PPP2R2B: variants seen among roughly 807,000 people sequenced by gnomAD.
PPP2R2B encodes serine/threonine-protein phosphatase 2A 55 kDa regulatory subunit B beta isoform.
In PPP2R2B, 5 loss-of-function variants were observed where a neutral mutation model predicts 46.0. The ratio of observed to expected loss-of-function variants is 0.11; its 90% CI spans 0.06 to 0.23. The LOEUF is 0.23. Among genes scored for constraint, PPP2R2B ranks in the 10% least tolerant of loss-of-function variants. PPP2R2B has a pLI of 1.00. For synonymous variants in PPP2R2B, 215 were observed against 206.7 expected (o/e 1.04, Z -0.34); for missense variants, 367 against 575.0 (o/e 0.64, Z 3.70).
At chr5:146,859,009 T>C (rs1431101134) in intron 2 of PPP2R2B, among the ~76,000 whole-genome samples, 1 of 152,158 alleles carries the variant, frequency 6.6e-6, no homozygotes, top group Non-Finnish European at 1.5e-5. Context: ...AGCAAGCAGA[T>C]GCACTTTTTT....
chr5:147,039,363 A>G (rs1756190907), intron 1 of PPP2R2B, among the ~76,000 whole-genome samples: 1 of 152,208 alleles, frequency 6.6e-6, no homozygotes. Flanking sequence ...ATTGGTCCAG[A>G]GCCTGATCTC....
At chr5:146,596,564 C>G (rs1187056766) in intron 8 of PPP2R2B, among the ~76,000 whole-genome samples, 1 of 152,210 alleles carries the variant, frequency 6.6e-6, no homozygotes, top group East Asian at 1.9e-4. Context: ...ATCTACTCTT[C>G]CTAGTTAAGG....
chr5:146,706,942 C>T, intron 2 of PPP2R2B: 1 of 1,104,174 alleles, frequency 9.1e-7, no homozygotes, highest in East Asian at 2.3e-5. Flanking sequence ...CATACAGCTG[C>T]CTGAGGAAGT....
At chr5:146,888,467 A>G (rs894812373) in intron 1 of PPP2R2B, among the ~76,000 whole-genome samples, 3 of 152,086 alleles carry the variant, frequency 2.0e-5, no homozygotes, top group East Asian at 3.9e-4. Flanking sequence ...TCTCACCATG[A>G]TTATATCAAT....
chr5:146,777,021 T>C (rs1755226001), intron 2 of PPP2R2B, among the ~76,000 whole-genome samples: 1 of 152,072 alleles, frequency 6.6e-6, no homozygotes, highest in Non-Finnish European at 1.5e-5. Context: ...GTGGAAAAAT[T>C]GGAATCCCCA....
intron 2 of PPP2R2B, among the ~76,000 whole-genome samples, chr5:146,764,106 C>T (rs1340701912): frequency 6.6e-6 from 1 of 151,976 alleles, no homozygotes; most frequent in African/African-American, 2.4e-5. Flanking sequence ...AGAGGGGCAA[C>T]CAGCTCAACA....
At chr5:146,851,598 G>T (rs768946676) in intron 2 of PPP2R2B, among the ~76,000 whole-genome samples, 1 of 152,008 alleles carries the variant, frequency 6.6e-6, no homozygotes, top group Admixed American at 6.6e-5. Context: ...AAGGAGTAAA[G>T]AATTTTCTGT....
intron 1 of PPP2R2B, chr5:147,054,786 C>T (rs1756995824): frequency 1.1e-5 from 5 of 439,298 alleles, no homozygotes; most frequent in South Asian, 8.0e-5. Context: ...CAATCAAATG[C>T]CACTAGTAGG....
intron 2 of PPP2R2B, among the ~76,000 whole-genome samples, chr5:146,845,750 G>A (rs1759961566): frequency 2.0e-5 from 3 of 152,174 alleles, no homozygotes; most frequent in Non-Finnish European, 4.4e-5. Context: ...GGCAATTTGA[G>A]TATGTACACT....
At chr5:146,662,406 C>T (rs188483055) in intron 5 of PPP2R2B, among the ~76,000 whole-genome samples, 7 of 152,272 alleles carry the variant, frequency 4.6e-5, no homozygotes, top group Admixed American at 4.6e-4. Context: ...ATTGACATTT[C>T]AGGGTTACAT....
At chr5:147,007,009 G>A (rs1376420768) in intron 1 of PPP2R2B, among the ~76,000 whole-genome samples, 1 of 152,006 alleles carries the variant, frequency 6.6e-6, no homozygotes, top group Non-Finnish European at 1.5e-5. Context: ...ACTTGCCTTT[G>A]GGCCCTGTAT....
intron 2 of PPP2R2B, chr5:146,856,666 A>G (rs1760689933): frequency 3.2e-6 from 3 of 923,798 alleles, no homozygotes; most frequent in South Asian, 1.3e-5. Flanking sequence ...GCATTTACAT[A>G]CTTTCCACAT....
chr5:147,027,628 C>T (rs964641504), intron 1 of PPP2R2B, among the ~76,000 whole-genome samples: 6 of 98,036 alleles, frequency 6.1e-5, no homozygotes, highest in Admixed American at 5.3e-4. Context: ...AAGCGAGACT[C>T]GGTCTCAAAA....
chr5:146,809,629 T>G (rs992969261), intron 2 of PPP2R2B, among the ~76,000 whole-genome samples: 3 of 152,264 alleles, frequency 2.0e-5, no homozygotes, highest in South Asian at 2.1e-4. Context: ...CAGAGCTTAG[T>G]AAGCAAGGAG....
intron 1 of PPP2R2B, among the ~76,000 whole-genome samples, chr5:146,923,635 T>C (rs753333926): frequency 1.3e-5 from 2 of 152,306 alleles, no homozygotes; most frequent in Middle Eastern, 3.4e-3. Context: ...TGCAAATTAA[T>C]TCAGCCATTA....
At chr5:146,779,000 C>T (rs904057082) in intron 2 of PPP2R2B, among the ~76,000 whole-genome samples, 4 of 152,240 alleles carry the variant, frequency 2.6e-5, no homozygotes, top group South Asian at 2.1e-4. Flanking sequence ...TGGGGCAGGA[C>T]GAACACAGCT....
intron 1 of PPP2R2B, among the ~76,000 whole-genome samples, chr5:147,009,898 C>CACACATAT (rs781463815): frequency 7.5e-4 from 109 of 145,618 alleles, no homozygotes; most frequent in African/African-American, 2.4e-3. Flanking sequence ...CACACACACA[C>CACACATAT]ATATATATAT....
chr5:146,908,870 C>T (rs1288772597), intron 1 of PPP2R2B, among the ~76,000 whole-genome samples: 4 of 151,848 alleles, frequency 2.6e-5, no homozygotes, highest in Admixed American at 6.6e-5. Flanking sequence ...GCCGTGATCA[C>T]GGCTCACTGC....
chr5:146,816,374 T>C (rs969956256), intron 2 of PPP2R2B, among the ~76,000 whole-genome samples: 11 of 152,222 alleles, frequency 7.2e-5, no homozygotes, highest in African/African-American at 2.2e-4. Context: ...CACTCCACTC[T>C]GAACAACAGA....
Sources: gnomAD v4.1 joint callset for allele counts (sites outside exome capture counted in the v4.1 genomes callset) on GRCh38, gnomAD v4.1.1 for gene constraint, MANE v1.5 for transcripts, NCBI Gene and HGNC (gene_info 2026-07-23, HGNC 2026-07-21) for gene names.